The following SPOCK1 variants were observed in gnomAD, a reference collection of about 807,000 sequenced individuals.
The protein encoded by SPOCK1 is testican-1.
Under a neutral mutation model 55.3 loss-of-function variants are expected in SPOCK1, and 23 were observed. The observed-to-expected ratio is 0.42, with a 90% CI of 0.30 to 0.59. SPOCK1 has a LOEUF of 0.59. Ranked by LOEUF, SPOCK1 falls within the 20% of genes least tolerant of loss-of-function variation. The pLI, the probability that SPOCK1 is intolerant of heterozygous loss-of-function variation, is 0.22. For synonymous variants in SPOCK1, 226 were observed against 221.0 expected (o/e 1.02, Z -0.20); for missense variants, 499 against 552.5 (o/e 0.90, Z 0.97).
At chr5:137,011,126 G>C (rs1751338977) in intron 6 of SPOCK1, among the ~76,000 whole-genome samples, 1 of 152,158 alleles carries the variant, frequency 6.6e-6, no homozygotes, top group African/African-American at 2.4e-5. Context: ...TGGTGATTTG[G>C]AGGTAACTGG....
In SPOCK1 at chr5:137,293,825, G is replaced by A. The variant is rs960350855; in HGVS notation, c.187-26770C>T. 2.0e-5 allele frequency among the ~76,000 whole-genome samples: 3 copies of A among 152,078 alleles called. No homozygotes were observed. In the South Asian group the frequency reaches 6.3e-4, roughly 32 times the overall value. ...AGGTCAGGAGATCGAGACCATCCTC[G>A]CTAACACGGTGAAACCCCGTCTCTA... On this transcript the variant is annotated intron_variant, in intron 2 of 10. Coordinates refer to ENST00000394945, the MANE Select transcript of SPOCK1 (RefSeq NM_004598.4).
chr5:136,983,106 A>G (rs905169516), intron 9 of SPOCK1, among the ~76,000 whole-genome samples: 2 of 152,214 alleles, frequency 1.3e-5, no homozygotes, highest in Non-Finnish European at 2.9e-5. Context: ...CACCATCTAC[A>G]TCAGCCTCCT....
chr5:137,031,532 G>A (rs1751778721), intron 6 of SPOCK1, among the ~76,000 whole-genome samples: 2 of 152,196 alleles, frequency 1.3e-5, no homozygotes, highest in African/African-American at 4.8e-5. Flanking sequence ...AGTTTTGTAA[G>A]TGTTTTCCCC....
At chr5:137,340,405 G>C (rs1750392731) in intron 2 of SPOCK1, among the ~76,000 whole-genome samples, 1 of 152,154 alleles carries the variant, frequency 6.6e-6, no homozygotes, top group East Asian at 1.9e-4. Context: ...AACATCCAGG[G>C]CTGGCTGGAT....
chr5:137,416,461 T>C (rs1181677194), intron 2 of SPOCK1, among the ~76,000 whole-genome samples: 1 of 152,166 alleles, frequency 6.6e-6, no homozygotes, highest in Non-Finnish European at 1.5e-5. Context: ...TCTTTTTAAA[T>C]ATACCTATCG....
At chr5:137,375,331 T>C (rs1212724229) in intron 2 of SPOCK1, among the ~76,000 whole-genome samples, 2 of 152,140 alleles carry the variant, frequency 1.3e-5, no homozygotes, top group Admixed American at 6.5e-5. Flanking sequence ...CAGAAGAATA[T>C]ATACTGGATG....
intron 6 of SPOCK1, among the ~76,000 whole-genome samples, chr5:137,044,912 C>G (rs939758182): frequency 2.9e-4 from 42 of 144,510 alleles, no homozygotes; most frequent in African/African-American, 1.0e-3. Context: ...TTTGTTCTTG[C>G]GATAGTTTAC....
At chr5:137,068,082 C>T (rs1396396625) in intron 5 of SPOCK1, among the ~76,000 whole-genome samples, 1 of 152,196 alleles carries the variant, frequency 6.6e-6, no homozygotes, top group Non-Finnish European at 1.5e-5. Flanking sequence ...GTAAACCCTA[C>T]TGTCACTATT....
chr5:137,057,170 G>T (rs1179173665), intron 6 of SPOCK1, among the ~76,000 whole-genome samples: 1 of 152,058 alleles, frequency 6.6e-6, no homozygotes, highest in Non-Finnish European at 1.5e-5. Context: ...TGTGTCAGCA[G>T]GTCTTTTCTC....
chr5:137,131,336 G>A (rs945287476), intron 4 of SPOCK1, among the ~76,000 whole-genome samples: 3 of 152,246 alleles, frequency 2.0e-5, no homozygotes, highest in African/African-American at 2.4e-5. Flanking sequence ...TCGGCCAGGC[G>A]TGGCGGCTCA....
chr5:137,336,974 G>A (rs1750295081), intron 2 of SPOCK1, among the ~76,000 whole-genome samples: 2 of 152,188 alleles, frequency 1.3e-5, no homozygotes, highest in South Asian at 4.1e-4. Context: ...GTGGAGGTCA[G>A]AATGAGAGCT....
At chr5:137,107,726 C>T (rs914785026) in intron 5 of SPOCK1, among the ~76,000 whole-genome samples, 1 of 152,032 alleles carries the variant, frequency 6.6e-6, no homozygotes, top group Non-Finnish European at 1.5e-5. Context: ...ATTGGGGGCC[C>T]GGAAGCAGAA....
At chr5:137,032,614 C>T (rs1056132930) in intron 6 of SPOCK1, among the ~76,000 whole-genome samples, 2 of 152,060 alleles carry the variant, frequency 1.3e-5, no homozygotes, top group African/African-American at 2.4e-5. Flanking sequence ...ACGAGAAAAC[C>T]AAGGGTGAGG....
At chr5:137,388,194 T>TCA (rs1398389320) in intron 2 of SPOCK1, among the ~76,000 whole-genome samples, 6 of 152,210 alleles carry the variant, frequency 3.9e-5, no homozygotes, top group Non-Finnish European at 4.4e-5. Context: ...AAGAGTCTGT[T>TCA]CACACACACA....
chr5:137,346,104 G>T (rs1750548981), intron 2 of SPOCK1, among the ~76,000 whole-genome samples: 1 of 152,162 alleles, frequency 6.6e-6, no homozygotes, highest in Admixed American at 6.5e-5. Flanking sequence ...CTTTGCACAG[G>T]CTCCCTCTCA....
At chr5:137,463,410 G>T (rs1277755223) in intron 2 of SPOCK1, among the ~76,000 whole-genome samples, 1 of 151,644 alleles carries the variant, frequency 6.6e-6, no homozygotes, top group Non-Finnish European at 1.5e-5. Flanking sequence ...GCCAGGCACA[G>T]AAAACAAAGA....
intron 2 of SPOCK1, among the ~76,000 whole-genome samples, chr5:137,470,652 T>C (rs1753721403): frequency 6.6e-6 from 1 of 152,160 alleles, no homozygotes; most frequent in Non-Finnish European, 1.5e-5. Flanking sequence ...GAGACTGCCT[T>C]TGTACCAAGC....
intron 3 of SPOCK1, among the ~76,000 whole-genome samples, chr5:137,159,528 T>C (rs1189014371): frequency 7.2e-6 from 1 of 139,246 alleles, no homozygotes; most frequent in Non-Finnish European, 1.5e-5. Context: ...GTCCAACATA[T>C]CACTCTTTAT....
intron 2 of SPOCK1, among the ~76,000 whole-genome samples, chr5:137,303,791 G>A (rs1458279231): frequency 2.0e-5 from 3 of 152,236 alleles, no homozygotes; most frequent in Non-Finnish European, 2.9e-5. Context: ...GGGGCAGCCA[G>A]GAGGGGCCCA....
Sources: allele counts gnomAD v4.1 joint callset (sites outside exome capture counted in the v4.1 genomes callset), GRCh38; gene constraint gnomAD v4.1.1; transcripts MANE v1.5; gene names NCBI Gene and HGNC (gene_info 2026-07-23, HGNC 2026-07-21).